The following ATP6AP1 variants were observed in gnomAD, a reference collection of about 807,000 sequenced individuals.
The protein encoded by ATP6AP1 is ATPase H+ transporting accessory protein 1.
A neutral mutation model predicts 32.0 loss-of-function variants in ATP6AP1; 1 was observed. That is an observed-to-expected ratio of 0.03 (90% CI 0.01 to 0.15). The LOEUF (loss-of-function observed/expected upper bound fraction) is 0.15. ATP6AP1 is among the 10% of genes least tolerant of loss of function. ATP6AP1 has a pLI of 1.00. For synonymous variants in ATP6AP1, 187 were observed against 174.9 expected, an observed-to-expected ratio of 1.07 and a Z score of -0.55; for missense variants, 297 against 398.8, an observed-to-expected ratio of 0.74 and a Z score of 2.17.
intron 3 of ATP6AP1, 101 bp from the exon 4 acceptor site, chrX:154,432,165 G>A (rs2068696891): frequency 1.2e-6 from 1 of 861,045 alleles, no homozygotes; most frequent in African/African-American, 2.0e-5. Context: ...AGCCTTTATG[G>A]GTATGGCTTG....
At chrX:154,429,335 C>A in intron 2 of ATP6AP1, 161 bp downstream of exon 2, 1 of 647,676 alleles carries the variant, frequency 1.5e-6, no homozygotes, top group Non-Finnish European at 2.3e-6. Flanking sequence ...GTAAACGCTT[C>A]AGTGGGCATG....
At position 154,431,860 on chromosome X, in the gene ATP6AP1, G is replaced by A. The variant is rs782606567; in HGVS notation, c.319G>A (p.Gly107Ser). 24 of 1,209,859 alleles carry A rather than the reference G, an allele frequency of 2.0e-5. No homozygotes were observed. Among genetic ancestry groups the A allele is most frequent in the East Asian group, 8.9e-5 (3 of 33,784 alleles). ...LSIEDFTAYG[G>S]VFGNKQDSAF... The stretch of plus-strand genomic sequence containing the variant: ...CATTGAGGATTTCACAGCATATGGC[G>A]GTGTGTTTGGAAACAAGCAGGACAG... Residue 107 changes from glycine (G) to serine (S), a missense_variant, in exon 3 of 10, where the codon GGT becomes AGT. By Grantham distance (56) the Gly-to-Ser change is moderately conservative. Around this residue, in one of 2 missense-constraint regions of ATP6AP1, gnomAD observed 142 missense variants for 145.0 expected, o/e 0.98. Transcript: ENST00000369762.
In ATP6AP1 at chrX:154,435,711, G is replaced by T. The variant is rs1164762118; in HGVS notation, c.1233G>T (p.Gln411His). Residue 411 changes from glutamine to histidine, a missense_variant, in exon 10 of 10, where the codon CAG (glutamine) becomes CAT (histidine). Gln to His is a conservative substitution (Grantham distance 24, BLOSUM62 0). Coordinates refer to ENST00000369762, the MANE Select transcript of ATP6AP1 (RefSeq NM_001183.6). The part of the protein sequence containing the change: ...QIQAFNVMGE[Q>H]FSYASDCASF... ...AGGCTTTCAACGTAATGGGGGAGCAGTTCTCCTACGCCAGCGACTGTGCCA... is the reference window on the plus strand; with the variant it reads ...AGGCTTTCAACGTAATGGGGGAGCATTTCTCCTACGCCAGCGACTGTGCCA... The T allele has an allele frequency of 8.3e-7, 1 of 1,210,156 alleles. No individual in the cohort carries two copies. The highest frequency in any genetic ancestry group is 1.7e-5 in the African/African-American group (1 of 57,154).
At chrX:154,429,841 G>A in intron 2 of ATP6AP1, 1 of 112,314 alleles carries the variant, frequency 8.9e-6, no homozygotes, top group Middle Eastern at 4.6e-3. Context: ...ATGACTCTAA[G>A]ATAGCAAGTC....
chrX:154,435,516 G>T lies in ATP6AP1; in HGVS notation c.1203+11G>T. 8.3e-7 allele frequency: 1 copy of T among 1,207,735 alleles called. No homozygotes were observed. The highest frequency in any genetic ancestry group is 1.8e-5 in the South Asian group (1 of 56,966). ...CTTCAGGACTTCCAGGTATGGAGCG[G>T]GCGTGGCCCAGCTTCAGGTGGGGGA... On this transcript the variant is annotated intron_variant, in intron 9 of 9. Transcript: ENST00000369762.
Position 154,432,281 on chromosome X carries a change from G to T in ATP6AP1, c.379G>T (p.Ala127Ser). The T allele has an allele frequency of 2.5e-6, 3 of 1,205,999 alleles. No individual in the cohort carries two copies. Among genetic ancestry groups the T allele is most frequent in the Non-Finnish European group, 3.4e-6 (3 of 891,553 alleles). ...FSNLENALDLAPSSLVLPAVD... is the reference protein window; with the variant it reads ...FSNLENALDLSPSSLVLPAVD... ...CTGTCCCCAGAATGCCCTGGACCTG[G>T]CCCCCTCCTCACTGGTGCTTCCTGC... The change falls in exon 4 of 10, where the codon GCC (alanine) becomes TCC (serine). Residue 127 changes from alanine to serine, a missense_variant. Physicochemically the swap from Ala to Ser is moderately conservative, Grantham distance 99. This residue lies in a region of ATP6AP1 where 142 missense variants were observed against 145.0 expected (regional missense o/e 0.98). Transcript: ENST00000369762.
rs200943680 is a variant in ATP6AP1, at chrX:154,432,440, C to T, written c.538C>T (p.Arg180Cys). The T allele has an allele frequency of 8.4e-6, 10 of 1,189,077 alleles. No individual in the cohort carries two copies. The highest frequency in any genetic ancestry group is 3.0e-5 in the East Asian group (1 of 32,957). Residue 180 changes from arginine to cysteine, a missense_variant, in exon 4 of 10, where the codon CGC (arginine) becomes TGC (cysteine). Arg to Cys is a radical substitution (Grantham distance 180). Transcript: ENST00000369762. ...CAGCCTCCCTGCTCTGCTGCTCATT[C>T]GCCTGCCCTACACAGCCAGGTACTG... ...NASLPALLLI[R>C]LPYTASSGLM...
At chrX:154,433,329 C>T (rs2068703573) in intron 5 of ATP6AP1, among the ~76,000 whole-genome samples, 2 of 112,587 alleles carry the variant, frequency 1.8e-5, no homozygotes, top group African/African-American at 6.5e-5. Flanking sequence ...GACAGTCACT[C>T]CCCATGGAAA....
chrX:154,432,379 G>A lies in ATP6AP1; in HGVS notation c.477G>A (p.Val159=). The change falls in exon 4 of 10, where the codon GTG becomes GTA. Residue 159 remains valine, a synonymous_variant. Coordinates refer to ENST00000369762, the MANE Select transcript of ATP6AP1 (RefSeq NM_001183.6). ...QEKLGASPLH[V]DLATLRELKL... is the part of the protein sequence containing the mutation. ...AGCTCGGGGCCAGCCCCTTGCATGT[G>A]GACCTGGCCACCCTGCGGGAGCTGA... The A allele has an allele frequency of 8.3e-7, 1 of 1,211,007 alleles. No homozygotes were observed. The highest frequency in any genetic ancestry group is 1.1e-6 in the Non-Finnish European group (1 of 895,065).
rs782424778 is a variant in ATP6AP1, at chrX:154,429,045, C to T, written c.162-3C>T. On this transcript the variant is annotated splice_polypyrimidine_tract_variant and splice_region_variant and intron_variant, in intron 1 of 9. Coordinates refer to ENST00000369762, the MANE Select transcript of ATP6AP1 (RefSeq NM_001183.6). ...TGACAGCACCTCTTCTGTGCCCTGC[C>T]AGGGACTTGTGGGCTCCTGCGGCCG... 2.7e-5 allele frequency: 33 copies of T among 1,209,829 alleles called. No individual in the cohort carries two copies. The highest frequency in any genetic ancestry group is 1.2e-4 in the South Asian group (7 of 56,776).
At chrX:154,429,623 A>G (rs1360210861) in intron 2 of ATP6AP1, 1 of 115,459 alleles carries the variant, frequency 8.7e-6, no homozygotes, top group African/African-American at 3.2e-5. Context: ...CTTTGTAGGC[A>G]CTTGCTACAC....
At chrX:154,434,073 TCTC>T in intron 6 of ATP6AP1, 132 bp from the exon 7 acceptor site, 3 of 632,062 alleles carry the variant, frequency 4.7e-6, no homozygotes, top group South Asian at 2.6e-5. Context: ...GGAGGAAAGG[TCTC>T]CTCTGGCTGA....
rs1244791033 is a variant in ATP6AP1, at chrX:154,432,556, A to G, written c.557+97A>G. On this transcript the variant is annotated intron_variant, in intron 4 of 9. Coordinates refer to ENST00000369762, the MANE Select transcript of ATP6AP1 (RefSeq NM_001183.6). ...GTGGCACCGTTTGGCTAAAGATGCC[A>G]GTACTCCCCACCCCCTCACAGCCCT... 7 of 1,033,613 alleles carry G rather than the reference A, an allele frequency of 6.8e-6. No individual in the cohort carries two copies. In the African/African-American group the frequency reaches 9.5e-5, roughly 14 times the overall value. The allele number at this position is 1,033,613 out of a possible 1,213,427, so 85.2% of individuals were successfully genotyped here. A position where few individuals can be genotyped will look rare whatever the true frequency, so the allele number is the denominator to read the frequency against.
intron 4 of ATP6AP1, 94 bp from the exon 5 acceptor site, chrX:154,432,837 C>A: frequency 9.7e-7 from 1 of 1,029,062 alleles, no homozygotes; most frequent in Non-Finnish European, 1.4e-6. Context: ...GTGCGTGGGG[C>A]TAGTGGGGAG....
rs200598349 is a variant in ATP6AP1 at position 154,435,465 on chromosome X, C to T, written c.1163C>T (p.Thr388Met). 5.0e-6 allele frequency: 6 copies of T among 1,211,963 alleles called. No individual in the cohort carries two copies. Among genetic ancestry groups the T allele is most frequent in the African/African-American group, 1.7e-5 (1 of 57,932 alleles). Residue 388 changes from threonine to methionine, a missense_variant, in exon 9 of 10, where the codon ACG becomes ATG. Coordinates refer to ENST00000369762, the MANE Select transcript of ATP6AP1 (RefSeq NM_001183.6). ...SKKGSLLVAR[T>M]QPSPWQMMLQ... ...AAGGGTAGTCTCCTCGTGGCCCGCA[C>T]GCAGCCCTCTCCCTGGCAGATGATG... is the stretch of plus-strand genomic sequence containing the variant.
Position 154,429,178 on chromosome X carries a change from C to T in ATP6AP1, c.288+4C>T. 1.7e-6 allele frequency: 2 copies of T among 1,210,013 alleles called. No individual in the cohort carries two copies. Among genetic ancestry groups the T allele is most frequent in the Non-Finnish European group, 1.1e-6 (1 of 894,576 alleles). On this transcript the variant is annotated splice_donor_region_variant and intron_variant, in intron 2 of 9. Coordinates refer to ENST00000369762, the MANE Select transcript of ATP6AP1 (RefSeq NM_001183.6). ...GCTGCTGTTCCTGCAGGACAAGGTG[C>T]GCCCGCCCCAGCCCACTCTCCCCCG...
At chrX:154,430,818 G>T (rs4898495) in intron 2 of ATP6AP1, 3,500 of 111,124 alleles carry the variant, frequency 0.031, 65 homozygotes, top group Admixed American at 0.08. Flanking sequence ...AACAGCAAAT[G>T]CGAGGGTCCT....
At chrX:154,431,464 A>G (rs1186873378) in intron 2 of ATP6AP1, 4 of 194,395 alleles carry the variant, frequency 2.1e-5, no homozygotes, top group Non-Finnish European at 3.8e-5. Flanking sequence ...GAGGCCTGCC[A>G]CAAATGCTCT....
chrX:154,432,206 G>A, intron 3 of ATP6AP1, 60 bp from the exon 4 acceptor site: 5 of 1,047,818 alleles, frequency 4.8e-6, no homozygotes, highest in Non-Finnish European at 5.2e-6. Context: ...AGGTGTGGGG[G>A]GCTGGGCCAG....
Sources: gnomAD v4.1 joint callset for allele counts (sites outside exome capture counted in the v4.1 genomes callset) on GRCh38, gnomAD v4.1.1 for gene constraint, gnomAD v4.1.1 regional missense constraint, MANE v1.5 for transcripts, NCBI Gene and HGNC (gene_info 2026-07-23, HGNC 2026-07-21) for gene names.